The following BICC1 variants were observed in gnomAD, a reference collection of about 807,000 sequenced individuals.
BICC1 encodes BicC family RNA binding protein 1.
BICC1 carries 43 observed loss-of-function variants against 111.0 expected under a neutral mutation model. That is an observed-to-expected ratio of 0.39 (90% confidence interval 0.30 to 0.50). The LOEUF is 0.50. Among genes scored for constraint, BICC1 ranks in the 20% least tolerant of loss-of-function variants. The pLI is 0.88. For synonymous variants in BICC1, 467 were observed against 434.4 expected (o/e 1.07, Z -0.93); for missense variants, 1,091 against 1,203.2 (o/e 0.91, Z 1.38).
At chr10:58,752,538 A>G (rs1842018528) in intron 3 of BICC1, among the ~76,000 whole-genome samples, 1 of 152,102 alleles carries the variant, frequency 6.6e-6, no homozygotes, top group Non-Finnish European at 1.5e-5. Flanking sequence ...TTCTTTTAGC[A>G]TCTTTATCCT....
intron 15 of BICC1, among the ~76,000 whole-genome samples, chr10:58,805,603 T>G (rs1159907046): frequency 6.6e-6 from 1 of 152,258 alleles, no homozygotes; most frequent in Non-Finnish European, 1.5e-5. Flanking sequence ...TGTCCTTGTT[T>G]GTCTGGGACA....
intron 2 of BICC1, among the ~76,000 whole-genome samples, chr10:58,694,165 T>A (rs1379864030): frequency 1.3e-5 from 2 of 152,208 alleles, no homozygotes; most frequent in East Asian, 3.9e-4. Context: ...TCAGATTTCA[T>A]TTCCAGCATT....
intron 1 of BICC1, among the ~76,000 whole-genome samples, chr10:58,547,010 G>A (rs1658454): frequency 0.46 from 69,899 of 151,912 alleles, 17,142 homozygotes; most frequent in Admixed American, 0.62. Flanking sequence ...ATACTTTTAA[G>A]CAACCTTTTT....
At chr10:58,662,014 T>C (rs893639190) in intron 2 of BICC1, among the ~76,000 whole-genome samples, 1 of 152,226 alleles carries the variant, frequency 6.6e-6, no homozygotes, top group African/African-American at 2.4e-5. Flanking sequence ...TTCCATCTCT[T>C]ATGTTCTAAA....
intron 3 of BICC1, among the ~76,000 whole-genome samples, chr10:58,777,033 A>G (rs1309532108): frequency 2.0e-5 from 3 of 151,792 alleles, no homozygotes; most frequent in African/African-American, 7.3e-5. Context: ...ACTATATAAG[A>G]GAAAGTGGTT....
At chr10:58,522,928 C>T (rs1358329143) in intron 1 of BICC1, among the ~76,000 whole-genome samples, 1 of 152,160 alleles carries the variant, frequency 6.6e-6, no homozygotes, top group Non-Finnish European at 1.5e-5. Flanking sequence ...ATAAACACCT[C>T]TATGCAAATA....
intron 10 of BICC1, among the ~76,000 whole-genome samples, chr10:58,797,983 C>T (rs1336120391): frequency 6.6e-6 from 1 of 152,122 alleles, no homozygotes; most frequent in Non-Finnish European, 1.5e-5. Context: ...GAAAGCATTC[C>T]CTAGTCGCTG....
intron 2 of BICC1, among the ~76,000 whole-genome samples, chr10:58,651,604 T>G (rs112082283): frequency 6.4e-4 from 97 of 152,196 alleles, no homozygotes; most frequent in African/African-American, 2.2e-3. Flanking sequence ...CTGATTTTCC[T>G]TATGAGATTC....
chr10:58,637,543 C>T (rs1260439097), intron 2 of BICC1, among the ~76,000 whole-genome samples: 1 of 152,226 alleles, frequency 6.6e-6, no homozygotes, highest in Non-Finnish European at 1.5e-5. Context: ...TCATTGTCTT[C>T]CCTCCTCACG....
intron 17 of BICC1, 56 bp from the exon 18 acceptor site, chr10:58,813,774 A>T: frequency 6.4e-7 from 1 of 1,561,958 alleles, no homozygotes. Flanking sequence ...TTCTCCTCCC[A>T]CCCTGAAAAA....
intron 1 of BICC1, among the ~76,000 whole-genome samples, chr10:58,557,608 A>G (rs911483919): frequency 6.6e-6 from 1 of 151,972 alleles, no homozygotes; most frequent in East Asian, 1.9e-4. Flanking sequence ...TGTAAATCCA[A>G]TCTCACATTT....
intron 1 of BICC1, among the ~76,000 whole-genome samples, chr10:58,537,710 T>A (rs1842859297): frequency 6.6e-6 from 1 of 151,756 alleles, no homozygotes; most frequent in Admixed American, 6.6e-5. Flanking sequence ...TTGCTGATGA[T>A]GTGATCATAT....
rs1843434160 is a variant in BICC1, at chr10:58,798,561, G to T, written c.1528+1G>T. On this transcript the variant is annotated splice_donor_variant, in intron 11 of 20. Coordinates refer to ENST00000373886, the MANE Select transcript of BICC1 (RefSeq NM_001080512.3). LOFTEE classifies it high-confidence loss of function. ...CTTGCTAATACTTCAAGTGCCACAG[G>T]TCAGTATCATTTAAGTATATTCCAA... 7 of 1,594,924 alleles carry T rather than the reference G, an allele frequency of 4.4e-6. No individual in the cohort carries two copies. The highest frequency in any genetic ancestry group is 6.0e-6 in the Non-Finnish European group (7 of 1,173,592).
intron 1 of BICC1, among the ~76,000 whole-genome samples, chr10:58,616,460 T>C (rs1845610192): frequency 1.3e-5 from 2 of 152,202 alleles, no homozygotes; most frequent in Admixed American, 1.3e-4. Context: ...GCGCTTCAGC[T>C]CAAAGACTCC....
In BICC1 at chr10:58,711,650, T is replaced by G. The variant is rs572544140; in HGVS notation, c.307+9507T>G. On this transcript the variant is annotated intron_variant, in intron 3 of 20. Coordinates refer to ENST00000373886, the MANE Select transcript of BICC1 (RefSeq NM_001080512.3). ...CTTCTCTTCTGAAGGTCCCAGGTAT[T>G]GGCTTGTTTGCTTATCTTATAACTG... Among the ~76,000 whole-genome samples, 4 of 152,316 alleles carry G rather than the reference T, an allele frequency of 2.6e-5. No individual in the cohort carries two copies. In the South Asian group the frequency reaches 8.3e-4, roughly 32 times the overall value.
In BICC1 at chr10:58,831,421, G is replaced by T. The variant is rs1036267902; in HGVS notation, c.*2530G>T. On this transcript the variant is annotated 3_prime_UTR_variant, in exon 21 of 21. Transcript: ENST00000373886. The stretch of plus-strand genomic sequence containing the variant: ...AAAAATAAATTTATATAACCCCTTT[G>T]TATTGCTCTTGCTATATGAAGCGTG... 1 of 149,068 alleles carries T rather than the reference G, an allele frequency of 6.7e-6. No homozygotes were observed. Among genetic ancestry groups the T allele is most frequent in the African/African-American group, 2.5e-5 (1 of 40,566 alleles). The allele number at this position is 149,068 out of a possible 1,614,324, so 9.2% of individuals were successfully genotyped here.
intron 2 of BICC1, among the ~76,000 whole-genome samples, chr10:58,669,834 C>T (rs1398273492): frequency 2.0e-5 from 3 of 152,060 alleles, no homozygotes; most frequent in Admixed American, 2.0e-4. Flanking sequence ...CACTCTTTTG[C>T]TGCAAAGTAA....
intron 2 of BICC1, among the ~76,000 whole-genome samples, chr10:58,666,175 C>T (rs1222379198): frequency 3.9e-5 from 6 of 152,156 alleles, no homozygotes; most frequent in Non-Finnish European, 8.8e-5. Context: ...GACAAAAAAA[C>T]GTAAAATGAC....
In BICC1 at chr10:58,784,024, A is replaced by C. The variant is rs1842945959; in HGVS notation, c.308-977A>C. 2.6e-5 allele frequency among the ~76,000 whole-genome samples: 4 copies of C among 152,174 alleles called. No individual in the cohort carries two copies. The South Asian group carries it at 8.3e-4, about 32-fold the overall frequency. On this transcript the variant is annotated intron_variant, in intron 3 of 20. Coordinates refer to ENST00000373886, the MANE Select transcript of BICC1 (RefSeq NM_001080512.3). ...AAGGTTCCAGTGTCTTACCTCCTTT[A>C]AGCCTTTACTCATATCTCCTTTTCT...
Sources: gnomAD v4.1 joint callset for allele counts (sites outside exome capture counted in the v4.1 genomes callset) on GRCh38, gnomAD v4.1.1 for gene constraint, MANE v1.5 for transcripts, NCBI Gene and HGNC (gene_info 2026-07-23, HGNC 2026-07-21) for gene names.